RANBP2: variants seen among roughly 807,000 people sequenced by gnomAD.
RANBP2 encodes E3 SUMO-protein ligase RanBP2.
In RANBP2, 57 loss-of-function variants were observed where a neutral mutation model predicts 303.6. The ratio of observed to expected loss-of-function variants is 0.19; its 90% CI spans 0.15 to 0.23. The LOEUF is 0.23. RANBP2 is among the 10% of genes least tolerant of loss of function. The probability of loss-of-function intolerance (pLI) is 1.00; values close to 1 mark genes in which losing one functional copy is unlikely to be tolerated. For missense variants in RANBP2, 3,138 were observed against 3,780.8 expected (o/e 0.83, Z 4.46); for synonymous variants, 1,167 against 1,301.5 (o/e 0.90, Z 2.23).
chr2:108,811,247 C>CTCTTTTTTTTTTTTTTTTTTTTTTT, the RANBP2 span, among the ~76,000 whole-genome samples: 23 of 113,888 alleles, frequency 2.0e-4, 1 homozygote, highest in African/African-American at 8.4e-4. Flanking sequence ...TTCTCTCTCT[C>CTCTTTTTTTTTTTTTTTTTTTTTTT]TTTTTTTTTT....
At chr2:109,347,430 TCAGA>T in the RANBP2 span, among the ~76,000 whole-genome samples, 1 of 152,050 alleles carries the variant, frequency 6.6e-6, no homozygotes, top group African/African-American at 2.4e-5. Context: ...GTGGAAGGCC[TCAGA>T]CAGTGTCCTT....
At chr2:109,632,972 C>A in the RANBP2 span, among the ~76,000 whole-genome samples, 1 of 152,174 alleles carries the variant, frequency 6.6e-6, no homozygotes, top group East Asian at 1.9e-4. Context: ...GTATTGTACT[C>A]GCGCTCTGTG....
At chr2:109,451,063 GC>G in the RANBP2 span, among the ~76,000 whole-genome samples, 1 of 152,182 alleles carries the variant, frequency 6.6e-6, no homozygotes, top group Non-Finnish European at 1.5e-5. Context: ...GCAGACATGG[GC>G]CACACCAGGT....
At chr2:109,119,590 A>G in the RANBP2 span, among the ~76,000 whole-genome samples, 1 of 152,190 alleles carries the variant, frequency 6.6e-6, no homozygotes, top group Non-Finnish European at 1.5e-5. Context: ...TCTTTACTGC[A>G]TTAAATGTAT....
chr2:109,296,067 C>G, the RANBP2 span, among the ~76,000 whole-genome samples: 3 of 152,054 alleles, frequency 2.0e-5, no homozygotes, highest in African/African-American at 7.2e-5. Flanking sequence ...GGATCCCTTC[C>G]CTGCCCCAGC....
At chr2:108,787,858 GA>G (rs1268720378), downstream of RANBP2, 2 of 191,862 alleles carry the variant, frequency 1.0e-5, no homozygotes, top group Non-Finnish European at 1.9e-5. Flanking sequence ...GGAGGAACAT[GA>G]CGTTGGTTTG....
the RANBP2 span, among the ~76,000 whole-genome samples, chr2:108,962,965 G>A: frequency 1.3e-5 from 2 of 152,184 alleles, no homozygotes; most frequent in Non-Finnish European, 2.9e-5. Context: ...CCAAGGACAG[G>A]AGGGCTCACT....
chr2:109,315,228 G>A, the RANBP2 span, among the ~76,000 whole-genome samples: 2 of 152,182 alleles, frequency 1.3e-5, no homozygotes, highest in Non-Finnish European at 2.9e-5. Context: ...GAGTGGAGAG[G>A]GCTATAGTCT....
At chr2:109,166,066 T>C in the RANBP2 span, among the ~76,000 whole-genome samples, 1 of 152,212 alleles carries the variant, frequency 6.6e-6, no homozygotes, top group Non-Finnish European at 1.5e-5. Flanking sequence ...ACTGGAGAGC[T>C]GTGGCACCTT....
the RANBP2 span, among the ~76,000 whole-genome samples, chr2:108,886,407 C>T: frequency 6.6e-6 from 1 of 151,966 alleles, no homozygotes; most frequent in African/African-American, 2.4e-5. Context: ...TATTCATGTC[C>T]TTTGCCCACT....
the RANBP2 span, among the ~76,000 whole-genome samples, chr2:109,087,665 T>A: frequency 6.6e-6 from 1 of 152,080 alleles, no homozygotes; most frequent in Non-Finnish European, 1.5e-5. Flanking sequence ...TTATTGAAGT[T>A]TAAAATGGGA....
the RANBP2 span, among the ~76,000 whole-genome samples, chr2:109,425,721 T>A: frequency 6.6e-6 from 1 of 151,764 alleles, no homozygotes. Flanking sequence ...CCTTTTAAAA[T>A]ATTACTGCTC....
At chr2:109,182,035 G>A in the RANBP2 span, among the ~76,000 whole-genome samples, 1 of 152,168 alleles carries the variant, frequency 6.6e-6, no homozygotes, top group Non-Finnish European at 1.5e-5. Flanking sequence ...AATTATCTAT[G>A]TGATAAACAT....
At chr2:108,737,350 G>C (rs13382325) in intron 6 of RANBP2, among the ~76,000 whole-genome samples, 2 of 69,872 alleles carry the variant, frequency 2.9e-5, no homozygotes, top group African/African-American at 1.2e-4. Context: ...TTTTTTTTTT[G>C]TTTTTTTGAG....
intron 17 of RANBP2, among the ~76,000 whole-genome samples, chr2:108,755,517 G>T (rs573779380): frequency 1.3e-5 from 2 of 151,860 alleles, no homozygotes; most frequent in East Asian, 1.9e-4. Context: ...AGCCTGCCAC[G>T]AAGCCAGGAC....
At chr2:109,248,888 TCCTG>T in the RANBP2 span, among the ~76,000 whole-genome samples, 2 of 1,146 alleles carry the variant, frequency 1.7e-3, no homozygotes, top group Non-Finnish European at 0.019. Context: ...TCCTGTCCTT[TCCTG>T]TCCTGTCCTG....
the RANBP2 span, among the ~76,000 whole-genome samples, chr2:109,159,827 C>G: frequency 1.3e-5 from 2 of 152,172 alleles, no homozygotes; most frequent in African/African-American, 2.4e-5. Context: ...GAATCTAACG[C>G]CTCATGATCT....
At chr2:108,864,860 C>T in the RANBP2 span, among the ~76,000 whole-genome samples, 1 of 151,442 alleles carries the variant, frequency 6.6e-6, no homozygotes, top group East Asian at 1.9e-4. Context: ...ACTTGGGAGG[C>T]TTTGGTGGGA....
the RANBP2 span, among the ~76,000 whole-genome samples, chr2:109,219,977 TG>T: frequency 2.0e-5 from 3 of 152,330 alleles, no homozygotes; most frequent in Admixed American, 6.5e-5. Flanking sequence ...AAAACAATCT[TG>T]AAAAGGAGGA....
Sources: allele counts gnomAD v4.1 joint callset (sites outside exome capture counted in the v4.1 genomes callset), GRCh38; gene constraint gnomAD v4.1.1; transcripts MANE v1.5; gene names NCBI Gene and HGNC (gene_info 2026-07-23, HGNC 2026-07-21).